The following NDNF variants were observed in gnomAD, a reference collection of about 807,000 sequenced individuals.
NDNF encodes the protein protein NDNF.
NDNF carries 16 observed loss-of-function variants against 42.0 expected under a neutral mutation model. The ratio of observed to expected loss-of-function variants is 0.38; its 90% CI spans 0.26 to 0.58. The LOEUF is 0.58. Ranked by LOEUF, NDNF falls within the 20% of genes least tolerant of loss-of-function variation. NDNF has a pLI of 0.67. For synonymous variants in NDNF, 248 were observed against 251.7 expected (o/e 0.99, Z 0.14); for missense variants, 616 against 666.2 (o/e 0.92, Z 0.83).
At chr4:121,039,413 TA>T (rs1471254221) in intron 3 of NDNF, among the ~76,000 whole-genome samples, 1 of 151,638 alleles carries the variant, frequency 6.6e-6, no homozygotes, top group Non-Finnish European at 1.5e-5. Flanking sequence ...CTCATCCTAC[TA>T]ACTTTGTTTT....
chr4:121,054,761 G>A (rs1000879083), intron 1 of NDNF, among the ~76,000 whole-genome samples: 3 of 152,232 alleles, frequency 2.0e-5, no homozygotes, highest in Non-Finnish European at 2.9e-5. Context: ...AAGACCAAGT[G>A]CCAATCACAT....
intron 1 of NDNF, among the ~76,000 whole-genome samples, chr4:121,052,024 T>C (rs994978599): frequency 2.0e-5 from 3 of 152,242 alleles, no homozygotes; most frequent in Non-Finnish European, 4.4e-5. Context: ...ACCTTTCTCA[T>C]CACTGTAGCT....
chr4:121,059,775 A>G (rs561728754), intron 1 of NDNF, among the ~76,000 whole-genome samples: 1 of 152,270 alleles, frequency 6.6e-6, no homozygotes, highest in East Asian at 1.9e-4. Context: ...TTCCCGTTAA[A>G]ATGAAGATTC....
intron 1 of NDNF, among the ~76,000 whole-genome samples, chr4:121,051,379 T>A (rs1372470634): frequency 6.6e-6 from 1 of 152,190 alleles, no homozygotes; most frequent in African/African-American, 2.4e-5. Context: ...AGCATTAATT[T>A]AAACTTCATA....
At chr4:121,044,475 A>G (rs1727055026) in intron 2 of NDNF, among the ~76,000 whole-genome samples, 1 of 151,364 alleles carries the variant, frequency 6.6e-6, no homozygotes, top group Non-Finnish European at 1.5e-5. Flanking sequence ...AGGTAACTTT[A>G]AATGTAATTA....
intron 1 of NDNF, among the ~76,000 whole-genome samples, chr4:121,053,040 C>A (rs1247856980): frequency 1.3e-5 from 2 of 152,122 alleles, no homozygotes; most frequent in Admixed American, 6.5e-5. Flanking sequence ...TGAAGTAGAG[C>A]CGACATTATG....
chr4:121,038,391 T>C (rs916552666), intron 3 of NDNF, among the ~76,000 whole-genome samples: 9 of 149,504 alleles, frequency 6.0e-5, no homozygotes, highest in African/African-American at 2.2e-4. Context: ...TAAAATAAAA[T>C]AAAACAAAAC....
chr4:121,055,517 A>G (rs569485031), intron 1 of NDNF, among the ~76,000 whole-genome samples: 1 of 151,316 alleles, frequency 6.6e-6, no homozygotes, highest in African/African-American at 2.4e-5. Flanking sequence ...TAAATTAGTT[A>G]AGCAGAATTT....
intron 1 of NDNF, among the ~76,000 whole-genome samples, chr4:121,060,969 GAGT>G (rs1180080674): frequency 1.3e-5 from 2 of 152,198 alleles, no homozygotes; most frequent in Non-Finnish European, 2.9e-5. Context: ...ATAGATGAGT[GAGT>G]AGATGTACCA....
intron 1 of NDNF, among the ~76,000 whole-genome samples, chr4:121,050,776 A>G (rs755476050): frequency 1.3e-5 from 2 of 152,182 alleles, no homozygotes; most frequent in Non-Finnish European, 2.9e-5. Flanking sequence ...ACAAGTCCTC[A>G]GATCCTGCTA....
At chr4:121,048,760 C>G (rs1287792975) in intron 1 of NDNF, among the ~76,000 whole-genome samples, 1 of 152,138 alleles carries the variant, frequency 6.6e-6, no homozygotes, top group East Asian at 1.9e-4. Context: ...ATCGCTTGAA[C>G]CCAGGCAGCG....
In NDNF at chr4:121,045,840, TG is replaced by T; in HGVS notation, c.-1-3del. On this transcript the variant is annotated splice_polypyrimidine_tract_variant and splice_region_variant and intron_variant, in intron 1 of 3. Transcript: ENST00000379692. ...AGGCACCAGTGGAGCAGCACCATCCTGAGGCAACAGAAATGACTACTTTATT... is the reference window on the plus strand; with the variant it reads ...AGGCACCAGTGGAGCAGCACCATCCTAGGCAACAGAAATGACTACTTTATT... 1 of 1,611,836 alleles carries T rather than the reference TG, an allele frequency of 6.2e-7. No individual in the cohort carries two copies. The highest frequency in any genetic ancestry group is 8.5e-7 in the Non-Finnish European group (1 of 1,178,890).
intron 1 of NDNF, among the ~76,000 whole-genome samples, chr4:121,059,074 G>A (rs1727352691): frequency 6.6e-6 from 1 of 152,204 alleles, no homozygotes; most frequent in South Asian, 2.1e-4. Context: ...CTGCCTCTCT[G>A]GGTGGCAAAC....
At chr4:121,038,411 TA>T (rs1272945498) in intron 3 of NDNF, among the ~76,000 whole-genome samples, 3 of 130,060 alleles carry the variant, frequency 2.3e-5, no homozygotes, top group African/African-American at 8.6e-5. Context: ...CAAAACAAAA[TA>T]AAAAAAGAAT....
intron 2 of NDNF, among the ~76,000 whole-genome samples, chr4:121,045,352 A>AG (rs961484272): frequency 2.1e-5 from 3 of 142,602 alleles, no homozygotes; most frequent in East Asian, 4.3e-4. Flanking sequence ...ACTCCGTCTC[A>AG]GGGAAAAAAA....
chr4:121,043,871 A>G (rs1313993541), intron 2 of NDNF, among the ~76,000 whole-genome samples: 26 of 152,228 alleles, frequency 1.7e-4, no homozygotes. Flanking sequence ...TGTGCCCAGC[A>G]AGAACTCAGT....
rs1726856034 is a variant in NDNF, at chr4:121,035,962, A to T, written c.*302T>A. 4.0e-6 allele frequency: 1 copy of T among 251,434 alleles called. No homozygotes were observed. Among genetic ancestry groups the T allele is most frequent in the Admixed American group, 4.8e-5 (1 of 20,630 alleles). 15.6% of individuals were successfully genotyped at this position (251,434 alleles called of 1,614,324 possible). On this transcript the variant is annotated 3_prime_UTR_variant, in exon 4 of 4. Coordinates refer to ENST00000379692, the MANE Select transcript of NDNF (RefSeq NM_024574.4). ...GGCATATTTTAAATTTTTAGGTAATAAAATAATTTAGAAGCAGTTCATGCA... is the reference window on the plus strand; with the variant it reads ...GGCATATTTTAAATTTTTAGGTAATTAAATAATTTAGAAGCAGTTCATGCA...
chr4:121,064,736 G>T (rs1727470986), intron 1 of NDNF, among the ~76,000 whole-genome samples: 1 of 152,112 alleles, frequency 6.6e-6, no homozygotes, highest in Admixed American at 6.6e-5. Flanking sequence ...GTGTATGCGT[G>T]TGCGTGGGTT....
intron 2 of NDNF, among the ~76,000 whole-genome samples, chr4:121,040,396 C>T (rs973843100): frequency 2.6e-5 from 4 of 152,238 alleles, no homozygotes; most frequent in African/African-American, 2.4e-5. Flanking sequence ...ACACAGGCCC[C>T]GCCACTGCAA....
Sources: gnomAD v4.1 joint callset for allele counts (sites outside exome capture counted in the v4.1 genomes callset) on GRCh38, gnomAD v4.1.1 for gene constraint, MANE v1.5 for transcripts, NCBI Gene and HGNC (gene_info 2026-07-23, HGNC 2026-07-21) for gene names.